KLHL32: variants seen among roughly 807,000 people sequenced by gnomAD.
KLHL32 encodes kelch-like protein 32.
Under a neutral mutation model 64.8 loss-of-function variants are expected in KLHL32, and 35 were observed. The ratio of observed to expected loss-of-function variants is 0.54; its 90% CI spans 0.41 to 0.72. The LOEUF is 0.72. Among genes scored for constraint, KLHL32 ranks in the 30% least tolerant of loss-of-function variants. The probability of loss-of-function intolerance (pLI) is 0.00; values close to 1 mark genes in which losing one functional copy is unlikely to be tolerated. For missense variants in KLHL32, 589 were observed against 768.5 expected (o/e 0.77, Z 2.76); for synonymous variants, 259 against 281.0 (o/e 0.92, Z 0.78).
chr6:96,902,162 C>T, the KLHL32 span, among the ~76,000 whole-genome samples: 5 of 152,242 alleles, frequency 3.3e-5, no homozygotes, highest in African/African-American at 1.2e-4. Flanking sequence ...GGAATTGCCA[C>T]ACTATCTTCC....
At chr6:96,973,194 G>T (rs139650241) in intron 2 of KLHL32, among the ~76,000 whole-genome samples, 31 of 152,244 alleles carry the variant, frequency 2.0e-4, no homozygotes, top group African/African-American at 7.0e-4. Flanking sequence ...CTGTGAAATT[G>T]TGCAGCATCA....
At chr6:97,129,078 CTTA>C (rs978043861) in intron 8 of KLHL32, among the ~76,000 whole-genome samples, 1 of 152,182 alleles carries the variant, frequency 6.6e-6, no homozygotes, top group Admixed American at 6.5e-5. Context: ...GAAGGAAATT[CTTA>C]TTATATGTTC....
Position 97,041,612 on chromosome 6 carries a change from A to G in KLHL32, c.312+13A>G. On this transcript the variant is annotated intron_variant, in intron 4 of 10. Transcript: ENST00000369261. ...ATACACAGGACAGGTATGGTATTAA[A>G]TGTGATCTGTAAAGTTTAACATTTC... 1 of 1,496,654 alleles carries G rather than the reference A, an allele frequency of 6.7e-7. No individual in the cohort carries two copies. Among genetic ancestry groups the G allele is most frequent in the Non-Finnish European group, 9.3e-7 (1 of 1,073,130 alleles). The allele number at this position is 1,496,654 out of a possible 1,614,324, so 92.7% of individuals were successfully genotyped here.
At chr6:96,989,550 C>T (rs1426236215) in intron 3 of KLHL32, among the ~76,000 whole-genome samples, 1 of 151,982 alleles carries the variant, frequency 6.6e-6, no homozygotes, top group Non-Finnish European at 1.5e-5. Context: ...TTCATGTGAG[C>T]CTTGGAGAAT....
intron 3 of KLHL32, among the ~76,000 whole-genome samples, chr6:96,976,524 A>C (rs1388260436): frequency 6.6e-6 from 1 of 152,198 alleles, no homozygotes; most frequent in East Asian, 1.9e-4. Context: ...CCAAGCTATA[A>C]GACAATTTGT....
At chr6:96,935,297 T>C (rs1770447611) in intron 1 of KLHL32, among the ~76,000 whole-genome samples, 1 of 152,216 alleles carries the variant, frequency 6.6e-6, no homozygotes, top group South Asian at 2.1e-4. Flanking sequence ...TCAATTCCTA[T>C]TGCAGGAAAC....
chr6:97,074,529 A>G (rs1200216117), intron 5 of KLHL32, among the ~76,000 whole-genome samples: 1 of 152,178 alleles, frequency 6.6e-6, no homozygotes. Context: ...TGAAACAAAC[A>G]AACAAAAAAA....
intron 7 of KLHL32, among the ~76,000 whole-genome samples, chr6:97,125,574 T>G (rs148411330): frequency 9.2e-5 from 14 of 152,312 alleles, no homozygotes; most frequent in Non-Finnish European, 1.8e-4. Flanking sequence ...CTGAAGAACA[T>G]TTCAGAGGAG....
At chr6:96,916,852 A>AT in the KLHL32 span, among the ~76,000 whole-genome samples, 74 of 152,238 alleles carry the variant, frequency 4.9e-4, 1 homozygote, top group Non-Finnish European at 1.2e-4. Context: ...TTATAGTGCT[A>AT]TTTTTTTGGT....
At chr6:96,970,284 C>G (rs1204925609) in intron 2 of KLHL32, among the ~76,000 whole-genome samples, 1 of 152,108 alleles carries the variant, frequency 6.6e-6, no homozygotes, top group Non-Finnish European at 1.5e-5. Context: ...TAACCTGGCC[C>G]AGAATTCCTG....
intron 3 of KLHL32, among the ~76,000 whole-genome samples, chr6:96,989,925 GT>G (rs1338455751): frequency 1.3e-5 from 2 of 152,088 alleles, no homozygotes; most frequent in Non-Finnish European, 1.5e-5. Context: ...TGTACTGTTT[GT>G]CAGCTCTATC....
intron 5 of KLHL32, among the ~76,000 whole-genome samples, chr6:97,072,610 A>G (rs1790930261): frequency 6.8e-6 from 1 of 147,792 alleles, no homozygotes; most frequent in Non-Finnish European, 1.5e-5. Flanking sequence ...TGCCTGTTCC[A>G]CAGTCATTAT....
At chr6:96,967,202 T>C (rs1774551313) in intron 2 of KLHL32, 119 bp downstream of exon 2, 1 of 818,504 alleles carries the variant, frequency 1.2e-6, no homozygotes. Flanking sequence ...ATCATCAAAC[T>C]AGTCAGAGCT....
intron 5 of KLHL32, among the ~76,000 whole-genome samples, chr6:97,078,151 G>GT (rs1259393225): frequency 2.6e-5 from 4 of 152,118 alleles, no homozygotes; most frequent in African/African-American, 7.2e-5. Context: ...ATGTAGAGTG[G>GT]TTTCTCAGGC....
In KLHL32 at chr6:97,136,066, G is replaced by T. The variant is rs1206144; in HGVS notation, c.1702-3055G>T. Among the ~76,000 whole-genome samples the T allele has an allele frequency of 1.6e-4, 24 of 152,046 alleles. No homozygotes were observed. The East Asian group carries it at 4.6e-3, about 29-fold the overall frequency. ...TATAAAGGTTTAAATTTTTTGTGTC[G>T]TCAGTCACAAATCTGTATATTTGAT... On this transcript the variant is annotated intron_variant, in intron 10 of 10. Coordinates refer to ENST00000369261, the MANE Select transcript of KLHL32 (RefSeq NM_052904.4).
intron 1 of KLHL32, among the ~76,000 whole-genome samples, chr6:96,943,398 A>C (rs899090261): frequency 1.1e-4 from 16 of 152,240 alleles, no homozygotes; most frequent in East Asian, 3.9e-4. Context: ...AAAAAAAAAA[A>C]AAACCTTATA....
At chr6:97,062,007 G>C (rs1788989494) in intron 4 of KLHL32, among the ~76,000 whole-genome samples, 1 of 152,150 alleles carries the variant, frequency 6.6e-6, no homozygotes, top group Non-Finnish European at 1.5e-5. Context: ...AGAGCACTTA[G>C]AGATTTTCTG....
intron 1 of KLHL32, among the ~76,000 whole-genome samples, chr6:96,961,175 C>T (rs1406134634): frequency 1.3e-5 from 2 of 152,104 alleles, no homozygotes; most frequent in Non-Finnish European, 2.9e-5. Context: ...TGATATTATG[C>T]CAGAGTCAGG....
In KLHL32 at chr6:97,022,969, G is replaced by A. The variant is rs889690920; in HGVS notation, c.205-18523G>A. Among the ~76,000 whole-genome samples, 4 of 152,194 alleles carry A rather than the reference G, an allele frequency of 2.6e-5. No individual in the cohort carries two copies. The East Asian group carries it at 7.7e-4, about 29-fold the overall frequency. On this transcript the variant is annotated intron_variant, in intron 3 of 10. Transcript: ENST00000369261. ...GCACTTTCTTCACAAGGTGGTAGGA[G>A]CGAGAAGAGAGCAGGGGAAACTGCC...
Sources: allele counts gnomAD v4.1 joint callset (sites outside exome capture counted in the v4.1 genomes callset), GRCh38; gene constraint gnomAD v4.1.1; transcripts MANE v1.5; gene names NCBI Gene and HGNC (gene_info 2026-07-23, HGNC 2026-07-21).